Variants in ECPAS observed in about 807,000 individuals in gnomAD.
ECPAS encodes the protein proteasome adapter and scaffold protein ECM29.
A neutral mutation model predicts 255.1 loss-of-function variants in ECPAS; 70 were observed. The ratio of observed to expected loss-of-function variants is 0.27; its 90% CI spans 0.23 to 0.33. The LOEUF (loss-of-function observed/expected upper bound fraction) is 0.33, where lower values mean the gene tolerates loss of function less well. ECPAS is among the 10% of genes least tolerant of loss of function. The pLI, the probability that ECPAS is intolerant of heterozygous loss-of-function variation, is 1.00. For synonymous variants in ECPAS, 784 were observed against 775.0 expected, an observed-to-expected ratio of 1.01 and a Z score of -0.19; for missense variants, 1,817 against 2,206.4, an observed-to-expected ratio of 0.82 and a Z score of 3.54.
chr9:111,436,871 C>G, intron 7 of ECPAS, 69 bp downstream of exon 7: 3 of 1,308,276 alleles, frequency 2.3e-6, no homozygotes, highest in Non-Finnish European at 3.1e-6. Flanking sequence ...ATGTTTTATA[C>G]GGTTCATGAA....
Position 111,412,044 on chromosome 9 carries a change from T to C in ECPAS, c.2184A>G (p.Glu728=), listed in dbSNP as rs748296025. ...VSGNELKSMI[E]QLIKTTKDNH... ...TGTCTTTTGTAGTCTTTATAAGCTG[T>C]TCTATCATTGATTTCAACTCATTCC... is the stretch of plus-strand genomic sequence containing the variant. Residue 728 remains glutamate, a synonymous_variant, in exon 21 of 50, where the codon GAA becomes GAG. Coordinates refer to ENST00000684092, the MANE Select transcript of ECPAS (RefSeq NM_001364929.1). The C allele has an allele frequency of 2.5e-6, 4 of 1,584,918 alleles. No individual in the cohort carries two copies. The African/African-American group carries it at 4.1e-5, about 16-fold the overall frequency.
At chr9:111,483,270 G>A (rs1469955656) in intron 1 of ECPAS, among the ~76,000 whole-genome samples, 2 of 151,946 alleles carry the variant, frequency 1.3e-5, no homozygotes, top group African/African-American at 4.8e-5. Context: ...GGCTCCGCCC[G>A]GGGCTCCGGT....
intron 39 of ECPAS, 23 bp downstream of exon 39, chr9:111,373,949 C>T: frequency 6.3e-7 from 1 of 1,581,058 alleles, no homozygotes; most frequent in Non-Finnish European, 8.7e-7. Flanking sequence ...AAAATATCAC[C>T]ACACATCCCT....
chr9:111,371,599 T>C lies in ECPAS; in HGVS notation c.4737+22A>G. On this transcript the variant is annotated intron_variant, in intron 43 of 49. Coordinates refer to ENST00000684092, the MANE Select transcript of ECPAS (RefSeq NM_001364929.1). ...AAGATGAAGTCAGAATCCCTTTAAC[T>C]GGGTATGAATGGTTCCTTTACCTTT... 2 of 1,595,052 alleles carry C rather than the reference T, an allele frequency of 1.3e-6. 1 individual carries two copies. The highest frequency in any genetic ancestry group is 2.2e-5 in the South Asian group (2 of 90,376).
chr9:111,366,016 A>G (rs1401735261), intron 48 of ECPAS: 1 of 518,626 alleles, frequency 1.9e-6, no homozygotes, highest in Non-Finnish European at 3.4e-6. Flanking sequence ...AATTTTGTAA[A>G]AATACTTGTC....
intron 3 of ECPAS, among the ~76,000 whole-genome samples, chr9:111,445,073 G>A (rs928927532): frequency 7.2e-6 from 1 of 138,042 alleles, no homozygotes; most frequent in African/African-American, 2.8e-5. Flanking sequence ...TCAGCTCACC[G>A]CAACTTCTGC....
chr9:111,364,640 T>C (rs1213083789), intron 48 of ECPAS, among the ~76,000 whole-genome samples: 1 of 152,148 alleles, frequency 6.6e-6, no homozygotes, highest in Non-Finnish European at 1.5e-5. Flanking sequence ...GAGAAACAAA[T>C]TACTTGAATG....
intron 19 of ECPAS, 40 bp downstream of exon 19, chr9:111,414,389 A>C (rs1046683283): frequency 2.6e-6 from 4 of 1,528,114 alleles, no homozygotes; most frequent in Admixed American, 3.6e-5. Flanking sequence ...ATTTTTGCTT[A>C]AGTGCTTCAG....
At chr9:111,448,741 C>T (rs1282297678) in intron 3 of ECPAS, among the ~76,000 whole-genome samples, 1 of 152,178 alleles carries the variant, frequency 6.6e-6, no homozygotes, top group Non-Finnish European at 1.5e-5. Flanking sequence ...AACATTTGCA[C>T]ACTATGGTCT....
Position 111,373,421 on chromosome 9 carries a change from G to C in ECPAS, c.4178-15C>G, listed in dbSNP as rs368741766. 6.2e-7 allele frequency: 1 copy of C among 1,606,968 alleles called. No individual in the cohort carries two copies. Among genetic ancestry groups the C allele is most frequent in the Non-Finnish European group, 8.5e-7 (1 of 1,175,860 alleles). ...CATAAGTTTACCTACCAGAAATAAAGAGAAAAAAATCTGATACTTGGTTGA... is the reference window on the plus strand; with the variant it reads ...CATAAGTTTACCTACCAGAAATAAACAGAAAAAAATCTGATACTTGGTTGA... On this transcript the variant is annotated splice_polypyrimidine_tract_variant and intron_variant, in intron 39 of 49. Coordinates refer to ENST00000684092, the MANE Select transcript of ECPAS (RefSeq NM_001364929.1).
At chr9:111,377,913 G>C (rs1235540582) in intron 36 of ECPAS, among the ~76,000 whole-genome samples, 1 of 152,196 alleles carries the variant, frequency 6.6e-6, no homozygotes, top group African/African-American at 2.4e-5. Context: ...TTGGGAGGCT[G>C]AGGCGGGTGG....
chr9:111,429,261 C>CT lies in ECPAS; in HGVS notation c.931-1101dup, dbSNP rs957602291. 6.0e-4 allele frequency among the ~76,000 whole-genome samples: 87 copies of CT among 145,600 alleles called. 1 individual carries two copies. The highest frequency in any genetic ancestry group is 2.2e-3 in the South Asian group (10 of 4,562). On this transcript the variant is annotated intron_variant, in intron 9 of 49. Transcript: ENST00000684092. ...CTTAAGTAAAGCTGAGTTTTATTCT[C>CT]TTTTTTTTTTTAAATGAGTACATAA...
intron 24 of ECPAS, among the ~76,000 whole-genome samples, chr9:111,398,633 ATAGT>A (rs1287372688): frequency 4.6e-5 from 7 of 152,242 alleles, no homozygotes; most frequent in Non-Finnish European, 1.0e-4. Context: ...GTACAAAAAA[ATAGT>A]TAGAAAGAAT....
chr9:111,383,357 T>G (rs751291201), intron 34 of ECPAS, 25 bp from the exon 35 acceptor site: 3 of 1,594,202 alleles, frequency 1.9e-6, no homozygotes, highest in Non-Finnish European at 2.6e-6. Flanking sequence ...GCATGGACGT[T>G]AGTGAAAGTG....
rs2098120768 is a variant in ECPAS, at chr9:111,366,712, G to A, written c.5114-85C>T. ...AATAAATGAGGGACAGGCAGAGAGAGCAAGAGAAAGGAAGAGGGAAAGAGA... is the reference window on the plus strand; with the variant it reads ...AATAAATGAGGGACAGGCAGAGAGAACAAGAGAAAGGAAGAGGGAAAGAGA... On this transcript the variant is annotated intron_variant, in intron 46 of 49. Transcript: ENST00000684092. 3 of 820,290 alleles carry A rather than the reference G, an allele frequency of 3.7e-6. No individual in the cohort carries two copies. The Admixed American group carries it at 6.1e-5, about 17-fold the overall frequency. The allele number at this position is 820,290 out of a possible 1,614,324, so 50.8% of individuals were successfully genotyped here. A position where few individuals can be genotyped will look rare whatever the true frequency, so the allele number is the denominator to read the frequency against.
intron 25 of ECPAS, among the ~76,000 whole-genome samples, chr9:111,395,211 A>G (rs1169819029): frequency 6.6e-6 from 1 of 152,182 alleles, no homozygotes; most frequent in African/African-American, 2.4e-5. Flanking sequence ...CAGTTCTGCT[A>G]TCTGGGCATC....
intron 3 of ECPAS, among the ~76,000 whole-genome samples, chr9:111,446,904 T>C (rs892928647): frequency 6.6e-6 from 1 of 152,190 alleles, no homozygotes; most frequent in Non-Finnish European, 1.5e-5. Flanking sequence ...GAAACTTGCA[T>C]TGTCATCCAT....
At chr9:111,426,817 A>G (rs891675324) in intron 10 of ECPAS, among the ~76,000 whole-genome samples, 1 of 152,002 alleles carries the variant, frequency 6.6e-6, no homozygotes, top group Admixed American at 6.6e-5. Flanking sequence ...AAAATACAAA[A>G]ATTAGCCAGG....
chr9:111,405,081 C>T (rs924782096), intron 24 of ECPAS, among the ~76,000 whole-genome samples: 1 of 149,372 alleles, frequency 6.7e-6, no homozygotes, highest in Non-Finnish European at 1.5e-5. Context: ...GCTATGAAAC[C>T]ACCAAAGACC....
Sources: gnomAD v4.1 joint callset for allele counts (sites outside exome capture counted in the v4.1 genomes callset) on GRCh38, gnomAD v4.1.1 for gene constraint, MANE v1.5 for transcripts, NCBI Gene and HGNC (gene_info 2026-07-23, HGNC 2026-07-21) for gene names.